Variants in DYRK1A observed in about 807,000 individuals in gnomAD.
DYRK1A encodes the protein dual specificity tyrosine-phosphorylation-regulated kinase 1A.
In DYRK1A, 9 loss-of-function variants were observed where a neutral mutation model predicts 79.7. The ratio of observed to expected loss-of-function variants is 0.11; its 90% CI spans 0.07 to 0.20. The LOEUF (loss-of-function observed/expected upper bound fraction) is 0.20, where lower values mean the gene tolerates loss of function less well. Ranked by LOEUF, DYRK1A falls within the 10% of genes least tolerant of loss-of-function variation. DYRK1A has a pLI of 1.00. For missense variants in DYRK1A, 622 were observed against 956.0 expected (o/e 0.65, Z 4.61); for synonymous variants, 349 against 329.7 (o/e 1.06, Z -0.63).
intron 2 of DYRK1A, among the ~76,000 whole-genome samples, chr21:37,465,974 C>T (rs539713446): frequency 6.6e-5 from 10 of 152,312 alleles, no homozygotes; most frequent in African/African-American, 1.7e-4. Context: ...TTGTCACCTC[C>T]GCAAGACAGT....
chr21:37,376,616 A>G (rs758700952), intron 1 of DYRK1A, among the ~76,000 whole-genome samples: 41 of 152,094 alleles, frequency 2.7e-4, no homozygotes, highest in African/African-American at 9.2e-4. Context: ...ATGGCTTCCT[A>G]TCACTGAGAG....
chr21:37,403,919 A>G (rs982361645), intron 1 of DYRK1A, among the ~76,000 whole-genome samples: 10 of 151,732 alleles, frequency 6.6e-5, no homozygotes, highest in African/African-American at 2.2e-4. Context: ...ACCTTAGGTA[A>G]CCTCAAGGTG....
At chr21:37,501,141 T>G (rs1013434708) in intron 9 of DYRK1A, among the ~76,000 whole-genome samples, 12 of 151,024 alleles carry the variant, frequency 7.9e-5, no homozygotes, top group Admixed American at 2.0e-4. Flanking sequence ...CTGCAGCTTT[T>G]TATATGTTTT....
At chr21:37,501,230 GT>G (rs2053440494) in intron 9 of DYRK1A, 1 of 145,918 alleles carries the variant, frequency 6.9e-6, no homozygotes, top group Non-Finnish European at 1.5e-5. Context: ...GAGTGCAGTG[GT>G]GTGATCTCGG....
At chr21:37,501,508 A>C (rs1234339683) in intron 9 of DYRK1A, 2 of 152,056 alleles carry the variant, frequency 1.3e-5, no homozygotes. Context: ...AATGTTTCTA[A>C]CTTGTGATTT....
At chr21:37,396,583 C>A (rs570780064) in intron 1 of DYRK1A, among the ~76,000 whole-genome samples, 3 of 151,206 alleles carry the variant, frequency 2.0e-5, no homozygotes, top group South Asian at 4.2e-4. Flanking sequence ...TAGTCCGTAG[C>A]GTAATATTGA....
chr21:37,449,138 A>AG (rs1161034118), intron 2 of DYRK1A, among the ~76,000 whole-genome samples: 1 of 152,206 alleles, frequency 6.6e-6, no homozygotes, highest in Admixed American at 6.5e-5. Context: ...TTTTGTTTGT[A>AG]TTAGTTCAAG....
At chr21:37,493,961 G>T (rs1274375636) in intron 8 of DYRK1A, among the ~76,000 whole-genome samples, 22 of 138,084 alleles carry the variant, frequency 1.6e-4, no homozygotes, top group Admixed American at 6.7e-4. Flanking sequence ...TTTTCCCGGA[G>T]ATGGAGTCTT....
At chr21:37,497,224 G>A (rs2053298566) in intron 9 of DYRK1A, among the ~76,000 whole-genome samples, 1 of 152,108 alleles carries the variant, frequency 6.6e-6, no homozygotes, top group African/African-American at 2.4e-5. Flanking sequence ...CCTCCACACA[G>A]CTATGGAGTC....
intron 9 of DYRK1A, chr21:37,502,345 G>C (rs1456215073): frequency 6.6e-6 from 1 of 151,948 alleles, no homozygotes; most frequent in Non-Finnish European, 1.5e-5. Context: ...CTTCTTTCCT[G>C]CCTTTTGCGG....
chr21:37,408,452 A>G (rs374620456), intron 1 of DYRK1A, among the ~76,000 whole-genome samples: 1 of 152,254 alleles, frequency 6.6e-6, no homozygotes, highest in East Asian at 1.9e-4. Flanking sequence ...TTTTAGTGTA[A>G]GTAATGCCAC....
At chr21:37,440,481 A>G (rs113281886) in intron 2 of DYRK1A, among the ~76,000 whole-genome samples, 3,191 of 152,210 alleles carry the variant, frequency 0.021, 44 homozygotes, top group South Asian at 0.053. Flanking sequence ...AGCAGAAGCC[A>G]TTGATTTAAG....
intron 1 of DYRK1A, among the ~76,000 whole-genome samples, chr21:37,414,506 C>A (rs2050300362): frequency 6.6e-6 from 1 of 152,132 alleles, no homozygotes; most frequent in South Asian, 2.1e-4. Context: ...AAAGATAAGT[C>A]ATCTCATGCA....
intron 9 of DYRK1A, chr21:37,501,336 A>G (rs1468537235): frequency 6.6e-6 from 1 of 151,874 alleles, no homozygotes; most frequent in Non-Finnish European, 1.5e-5. Flanking sequence ...ACACCCAGCT[A>G]ATTTTTGTAT....
intron 2 of DYRK1A, among the ~76,000 whole-genome samples, chr21:37,472,227 G>A (rs1190657327): frequency 6.6e-6 from 1 of 152,190 alleles, no homozygotes; most frequent in African/African-American, 2.4e-5. Flanking sequence ...GGTTTCACCT[G>A]GTTTGGGGAA....
intron 11 of DYRK1A, among the ~76,000 whole-genome samples, chr21:37,508,042 A>G (rs1413566009): frequency 6.6e-6 from 1 of 151,956 alleles, no homozygotes; most frequent in East Asian, 1.9e-4. Context: ...AAATTTACCC[A>G]TTTGCTCAAG....
chr21:37,462,586 T>C (rs922764869), intron 2 of DYRK1A, among the ~76,000 whole-genome samples: 2 of 152,194 alleles, frequency 1.3e-5, no homozygotes, highest in Non-Finnish European at 1.5e-5. Context: ...CCAGTGCTTG[T>C]GCAGCTTAGC....
At chr21:37,409,715 C>T (rs2050209814) in intron 1 of DYRK1A, among the ~76,000 whole-genome samples, 1 of 151,916 alleles carries the variant, frequency 6.6e-6, no homozygotes, top group Non-Finnish European at 1.5e-5. Context: ...TTTTATTGGC[C>T]AAAGATATTC....
intron 10 of DYRK1A, 112 bp from the exon 11 acceptor site, chr21:37,505,987 G>T (rs1203119442): frequency 6.3e-6 from 8 of 1,262,740 alleles, no homozygotes; most frequent in Non-Finnish European, 7.5e-6. Flanking sequence ...TAGAGATTTT[G>T]TATGTGTGTG....
Sources: gnomAD v4.1 joint callset for allele counts (sites outside exome capture counted in the v4.1 genomes callset) on GRCh38, gnomAD v4.1.1 for gene constraint, MANE v1.5 for transcripts, NCBI Gene and HGNC (gene_info 2026-07-23, HGNC 2026-07-21) for gene names.